The following MEIG1 variants were observed in gnomAD, a reference collection of about 807,000 sequenced individuals.
The protein encoded by MEIG1 is meiosis/spermiogenesis associated 1.
In MEIG1, 12 loss-of-function variants were observed where a neutral mutation model predicts 11.3. The ratio of observed to expected loss-of-function variants is 1.07; its 90% CI spans 0.68 to 1.73. The LOEUF is 1.73. MEIG1 is among the 40% of genes most tolerant of loss of function. The probability of loss-of-function intolerance (pLI) is 0.00; values close to 1 mark genes in which losing one functional copy is unlikely to be tolerated. For missense variants in MEIG1, 119 were observed against 104.9 expected (o/e 1.13, Z -0.59); for synonymous variants, 41 against 33.2 (o/e 1.24, Z -0.81).
At chr10:14,976,050 G>A (rs996122474), downstream of MEIG1, among the ~76,000 whole-genome samples, 1 of 152,144 alleles carries the variant, frequency 6.6e-6, no homozygotes, top group Admixed American at 6.5e-5. Flanking sequence ...TCCAGGGGGG[G>A]ACCGGGGGGT....
chr10:14,981,544 G>A (rs1467325414), intron 1 of MEIG1, among the ~76,000 whole-genome samples: 1 of 152,070 alleles, frequency 6.6e-6, no homozygotes, highest in Non-Finnish European at 1.5e-5. Flanking sequence ...GACCGGGGCG[G>A]TTACTAGCGA....
Position 14,972,727 on chromosome 10 carries a change from A to C in MEIG1, c.*86A>C. ...CATGTGTTTGTCATTTGATGAAATA[A>C]TTCAAGATGCAGTCTGCAGTTTAAT... On this transcript the variant is annotated 3_prime_UTR_variant, in exon 3 of 3. Coordinates refer to ENST00000407572, the MANE Select transcript of MEIG1 (RefSeq NM_001080836.3). The C allele has an allele frequency of 7.9e-7, 1 of 1,264,216 alleles. No homozygotes were observed. The highest frequency in any genetic ancestry group is 1.1e-6 in the Non-Finnish European group (1 of 931,780). 78.3% of individuals were successfully genotyped at this position (1,264,216 alleles called of 1,614,324 possible).
upstream of MEIG1, among the ~76,000 whole-genome samples, chr10:14,954,839 A>G (rs923046925): frequency 1.3e-5 from 2 of 152,242 alleles, no homozygotes; most frequent in Non-Finnish European, 2.9e-5. Flanking sequence ...TTGTATTACA[A>G]TAAACCAAAT....
intron 1 of MEIG1, among the ~76,000 whole-genome samples, chr10:14,959,775 T>A (rs1010960231): frequency 1.3e-5 from 2 of 152,160 alleles, no homozygotes; most frequent in African/African-American, 2.4e-5. Context: ...AGGGTCCGGT[T>A]CTCCCGGAAG....
intron 2 of MEIG1, chr10:14,987,207 C>T: frequency 1.0e-6 from 1 of 961,222 alleles, no homozygotes; most frequent in Non-Finnish European, 1.6e-6. Flanking sequence ...GGAACCGTGG[C>T]CGAAGTGAAC....
At chr10:14,967,843 T>C (rs529896772) in intron 2 of MEIG1, among the ~76,000 whole-genome samples, 1 of 152,290 alleles carries the variant, frequency 6.6e-6, no homozygotes, top group African/African-American at 2.4e-5. Flanking sequence ...TTTTCTTAAT[T>C]ATTTTTGATA....
At chr10:14,971,236 T>TAATAATAATAATAATAAC (rs1554806491) in intron 2 of MEIG1, among the ~76,000 whole-genome samples, 215 of 148,236 alleles carry the variant, frequency 1.5e-3, no homozygotes, top group African/African-American at 4.7e-3. Flanking sequence ...ATAATAATAA[T>TAATAATAATAATAATAAC]AACAACAATA....
At chr10:14,962,167 G>A (rs890518650) in intron 1 of MEIG1, among the ~76,000 whole-genome samples, 8 of 152,146 alleles carry the variant, frequency 5.3e-5, no homozygotes, top group African/African-American at 1.7e-4. Flanking sequence ...CACTCAGTCT[G>A]CAAGAGCTAA....
chr10:14,957,575 T>A (rs1842963725), upstream of MEIG1, among the ~76,000 whole-genome samples: 1 of 152,200 alleles, frequency 6.6e-6, no homozygotes, highest in Admixed American at 6.5e-5. Flanking sequence ...TCACTCTCCA[T>A]AAGATGGGAA....
chr10:14,954,274 T>C, the MEIG1 span: 37 of 564,720 alleles, frequency 6.6e-5, no homozygotes, highest in African/African-American at 5.6e-4. Context: ...GCAAGGCTCA[T>C]TCCCGCCCAA....
intron 1 of MEIG1, among the ~76,000 whole-genome samples, chr10:14,978,568 T>G (rs1843233731): frequency 6.6e-6 from 1 of 152,000 alleles, no homozygotes; most frequent in Non-Finnish European, 1.5e-5. Flanking sequence ...ATGTACACCT[T>G]GTGATATTAT....
At chr10:14,968,259 A>G (rs970521396) in intron 2 of MEIG1, among the ~76,000 whole-genome samples, 23 of 152,114 alleles carry the variant, frequency 1.5e-4, no homozygotes, top group Admixed American at 3.3e-4. Flanking sequence ...AGGCCGAGGT[A>G]GGCAGATCAC....
At chr10:14,966,320 C>G in intron 1 of MEIG1, 120 bp from the exon 2 acceptor site, 1 of 514,428 alleles carries the variant, frequency 1.9e-6, no homozygotes. Flanking sequence ...CCTCAGCCTC[C>G]CAAAGTGCTG....
upstream of MEIG1, among the ~76,000 whole-genome samples, chr10:14,956,511 T>C (rs1161098716): frequency 1.3e-5 from 2 of 151,770 alleles, no homozygotes; most frequent in Admixed American, 1.3e-4. Flanking sequence ...GTACCCAGGA[T>C]GCGGAAATTG....
At chr10:14,976,796 T>G (rs1466005194), downstream of MEIG1, among the ~76,000 whole-genome samples, 1 of 152,104 alleles carries the variant, frequency 6.6e-6, no homozygotes, top group Non-Finnish European at 1.5e-5. Context: ...CTTCATAATA[T>G]TCCAGGAAAA....
chr10:14,987,546 T>G, intron 2 of MEIG1: 1 of 649,836 alleles, frequency 1.5e-6, no homozygotes, highest in South Asian at 1.6e-5. Flanking sequence ...ATCTTTACAC[T>G]TGCAGACCAT....
At chr10:14,983,766 G>T (rs955620642) in intron 1 of MEIG1, among the ~76,000 whole-genome samples, 2 of 152,030 alleles carry the variant, frequency 1.3e-5, no homozygotes, top group African/African-American at 4.8e-5. Context: ...CGCAGGGTGT[G>T]TATATCCCCC....
intron 1 of MEIG1, among the ~76,000 whole-genome samples, chr10:14,965,458 C>T (rs1408276351): frequency 1.3e-5 from 2 of 152,154 alleles, no homozygotes; most frequent in Admixed American, 1.3e-4. Flanking sequence ...AATCCATGGT[C>T]TCAGTACCAC....
downstream of MEIG1, among the ~76,000 whole-genome samples, chr10:14,973,076 G>T (rs1589212586): frequency 6.6e-6 from 1 of 151,990 alleles, no homozygotes; most frequent in Non-Finnish European, 1.5e-5. Context: ...ACGTTGGCCA[G>T]GGTGGTCTCA....
Sources: gnomAD v4.1 joint callset for allele counts (sites outside exome capture counted in the v4.1 genomes callset) on GRCh38, gnomAD v4.1.1 for gene constraint, MANE v1.5 for transcripts, NCBI Gene and HGNC (gene_info 2026-07-23, HGNC 2026-07-21) for gene names.